TRHDE: variants seen among roughly 807,000 people sequenced by gnomAD.
The protein encoded by TRHDE is thyrotropin-releasing hormone-degrading ectoenzyme.
Under a neutral mutation model 125.7 loss-of-function variants are expected in TRHDE, and 72 were observed. The observed-to-expected ratio is 0.57, with a 90% CI of 0.47 to 0.70. The LOEUF is 0.70. TRHDE is among the 30% of genes least tolerant of loss of function. The probability of loss-of-function intolerance (pLI) is 0.00; values close to 1 mark genes in which losing one functional copy is unlikely to be tolerated. For missense variants in TRHDE, 1,110 were observed against 1,327.1 expected (o/e 0.84, Z 2.54); for synonymous variants, 509 against 509.1 (o/e 1.00, Z 0.00).
At chr12:72,328,178 G>A (rs185529605) in intron 2 of TRHDE, among the ~76,000 whole-genome samples, 265 of 152,226 alleles carry the variant, frequency 1.7e-3, no homozygotes, top group Non-Finnish European at 2.9e-3. Flanking sequence ...CTAGTTTGGT[G>A]TACTTCTGTT....
chr12:72,494,296 G>A (rs1273070129), intron 5 of TRHDE, among the ~76,000 whole-genome samples: 1 of 151,916 alleles, frequency 6.6e-6, no homozygotes, highest in Non-Finnish European at 1.5e-5. Flanking sequence ...AGAAAATTGA[G>A]TATTTGTAGC....
At chr12:72,627,355 T>TA (rs1260242069) in intron 15 of TRHDE, among the ~76,000 whole-genome samples, 1 of 151,936 alleles carries the variant, frequency 6.6e-6, no homozygotes, top group African/African-American at 2.4e-5. Flanking sequence ...TTCCTTCACC[T>TA]TTCTGCCATA....
chr12:72,645,366 G>A (rs1394797885), intron 15 of TRHDE, among the ~76,000 whole-genome samples: 1 of 152,130 alleles, frequency 6.6e-6, no homozygotes, highest in African/African-American at 2.4e-5. Flanking sequence ...GATCAGACTC[G>A]TGAAGATGGA....
At chr12:72,635,937 G>A (rs1014932573) in intron 15 of TRHDE, among the ~76,000 whole-genome samples, 1 of 152,074 alleles carries the variant, frequency 6.6e-6, no homozygotes, top group African/African-American at 2.4e-5. Flanking sequence ...CAGGTAGCAT[G>A]ATGCCTCCAG....
chr12:72,448,238 CA>C (rs926301759), intron 3 of TRHDE, among the ~76,000 whole-genome samples: 1 of 152,030 alleles, frequency 6.6e-6, no homozygotes, highest in African/African-American at 2.4e-5. Flanking sequence ...CATTTGTTGC[CA>C]TCATAGATTT....
chr12:72,609,663 C>A (rs1187965343), intron 12 of TRHDE, among the ~76,000 whole-genome samples: 4 of 152,086 alleles, frequency 2.6e-5, no homozygotes, highest in East Asian at 1.9e-4. Context: ...ATAGAAAAGG[C>A]AAAACTTTTG....
At chr12:72,641,315 T>C (rs1250433252) in intron 15 of TRHDE, among the ~76,000 whole-genome samples, 1 of 152,224 alleles carries the variant, frequency 6.6e-6, no homozygotes, top group East Asian at 1.9e-4. Context: ...TAACAGAATT[T>C]ATTTTTACAA....
chr12:72,428,234 T>A (rs560547718), intron 3 of TRHDE, among the ~76,000 whole-genome samples: 2 of 152,150 alleles, frequency 1.3e-5, no homozygotes, highest in African/African-American at 4.8e-5. Flanking sequence ...AAGAAATGTA[T>A]CTACATAATG....
intron 1 of TRHDE, among the ~76,000 whole-genome samples, chr12:72,091,809 T>C (rs550266722): frequency 6.6e-6 from 1 of 152,296 alleles, no homozygotes; most frequent in South Asian, 2.1e-4. Flanking sequence ...ATGAAGCCTA[T>C]TAGTAATCAT....
At chr12:72,362,843 T>C (rs971905053) in intron 2 of TRHDE, among the ~76,000 whole-genome samples, 3 of 152,162 alleles carry the variant, frequency 2.0e-5, no homozygotes, top group African/African-American at 7.2e-5. Flanking sequence ...TTGCTTGTTT[T>C]TCGCAGGTTT....
At chr12:72,356,566 T>A (rs559354651) in intron 2 of TRHDE, among the ~76,000 whole-genome samples, 1 of 151,676 alleles carries the variant, frequency 6.6e-6, no homozygotes, top group South Asian at 2.1e-4. Context: ...ATCTTCTGGC[T>A]ACTTTGTGAA....
intron 2 of TRHDE, among the ~76,000 whole-genome samples, chr12:72,359,108 C>T (rs1310251130): frequency 6.7e-6 from 1 of 150,036 alleles, no homozygotes; most frequent in Non-Finnish European, 1.5e-5. Context: ...CCCACCCCCA[C>T]CTCCCCAAGA....
chr12:72,563,738 A>G (rs917306248), intron 9 of TRHDE, among the ~76,000 whole-genome samples: 2 of 150,936 alleles, frequency 1.3e-5, no homozygotes, highest in Non-Finnish European at 3.0e-5. Flanking sequence ...ATTAAAACTT[A>G]AATCATTCCA....
chr12:72,245,476 A>G (rs1182820266), intron 2 of TRHDE, among the ~76,000 whole-genome samples: 1 of 152,066 alleles, frequency 6.6e-6, no homozygotes. Flanking sequence ...TCACAGTCCT[A>G]CAAGGCTATA....
At chr12:72,114,323 C>A (rs1393124537) in intron 2 of TRHDE, among the ~76,000 whole-genome samples, 1 of 152,124 alleles carries the variant, frequency 6.6e-6, no homozygotes, top group East Asian at 1.9e-4. Context: ...CCATGTATAA[C>A]TTTTGACTCT....
intron 5 of TRHDE, among the ~76,000 whole-genome samples, chr12:72,498,243 G>A (rs1370822120): frequency 6.6e-6 from 1 of 152,080 alleles, no homozygotes; most frequent in Non-Finnish European, 1.5e-5. Flanking sequence ...GAGCAAATGA[G>A]TATGAAAAAA....
intron 2 of TRHDE, among the ~76,000 whole-genome samples, chr12:72,131,130 G>A (rs903736678): frequency 7.2e-6 from 1 of 139,780 alleles, no homozygotes; most frequent in African/African-American, 2.7e-5. Flanking sequence ...GGAGTGCAGT[G>A]GCGCGATTTC....
intron 3 of TRHDE, among the ~76,000 whole-genome samples, chr12:72,467,540 G>A (rs1876440352): frequency 6.6e-6 from 1 of 152,184 alleles, no homozygotes; most frequent in Admixed American, 6.5e-5. Flanking sequence ...CAACCAGCCA[G>A]GCGCGATGGC....
chr12:72,630,787 C>A (rs1873461170), intron 15 of TRHDE, among the ~76,000 whole-genome samples: 1 of 150,354 alleles, frequency 6.7e-6, no homozygotes, highest in African/African-American at 2.4e-5. Context: ...TAATCATCAG[C>A]CATTATAATA....
Sources: gnomAD v4.1 joint callset for allele counts (sites outside exome capture counted in the v4.1 genomes callset) on GRCh38, gnomAD v4.1.1 for gene constraint, MANE v1.5 for transcripts, NCBI Gene and HGNC (gene_info 2026-07-23, HGNC 2026-07-21) for gene names.